DPP6: variants seen among roughly 807,000 people sequenced by gnomAD.
The protein encoded by DPP6 is A-type potassium channel modulatory protein DPP6.
Under a neutral mutation model 122.6 loss-of-function variants are expected in DPP6, and 69 were observed. That is an observed-to-expected ratio of 0.56 (90% CI 0.46 to 0.69). DPP6 has a LOEUF of 0.69. Ranked by LOEUF, DPP6 falls within the 30% of genes least tolerant of loss-of-function variation. The pLI is 0.00. For missense variants in DPP6, 928 were observed against 1,116.9 expected (o/e 0.83, Z 2.41); for synonymous variants, 418 against 433.1 (o/e 0.97, Z 0.43).
At chr7:154,042,224 C>G (rs1799803300) in intron 1 of DPP6, among the ~76,000 whole-genome samples, 1 of 152,134 alleles carries the variant, frequency 6.6e-6, no homozygotes, top group East Asian at 1.9e-4. Context: ...GCCACAGCCT[C>G]CCAGAAAACT....
At chr7:154,021,316 C>G (rs1186524169) in intron 1 of DPP6, among the ~76,000 whole-genome samples, 2 of 152,162 alleles carry the variant, frequency 1.3e-5, no homozygotes, top group African/African-American at 4.8e-5. Context: ...CAAAATGGGC[C>G]TGAGATCTTA....
At chr7:154,576,590 C>T (rs1831689080) in intron 5 of DPP6, among the ~76,000 whole-genome samples, 3 of 152,088 alleles carry the variant, frequency 2.0e-5, no homozygotes, top group East Asian at 1.9e-4. Flanking sequence ...TTTTGAGATA[C>T]GGTCACTTGT....
intron 7 of DPP6, among the ~76,000 whole-genome samples, chr7:154,696,871 G>A (rs773298203): frequency 5.9e-5 from 9 of 152,140 alleles, no homozygotes; most frequent in Non-Finnish European, 8.8e-5. Flanking sequence ...TCGGGGGGCC[G>A]GTCACAGAGT....
At chr7:154,529,370 G>T (rs1489847262) in intron 3 of DPP6, among the ~76,000 whole-genome samples, 1 of 152,186 alleles carries the variant, frequency 6.6e-6, no homozygotes, top group African/African-American at 2.4e-5. Context: ...TGCTACCCAA[G>T]AAACAAACTT....
chr7:154,120,956 G>A (rs1807408683), intron 1 of DPP6, among the ~76,000 whole-genome samples: 1 of 152,154 alleles, frequency 6.6e-6, no homozygotes, highest in Non-Finnish European at 1.5e-5. Context: ...GCGGGACCAG[G>A]TGGAGACAAT....
intron 3 of DPP6, among the ~76,000 whole-genome samples, chr7:154,493,147 C>A (rs1824434145): frequency 6.6e-6 from 1 of 152,084 alleles, no homozygotes; most frequent in African/African-American, 2.4e-5. Context: ...ATAATGACCC[C>A]CAAGGCTGCT....
the DPP6 span, among the ~76,000 whole-genome samples, chr7:153,770,150 A>G: frequency 6.6e-6 from 1 of 152,158 alleles, no homozygotes; most frequent in Admixed American, 6.5e-5. Context: ...CCATGAAGGA[A>G]TAAAAAGTCT....
chr7:154,575,055 G>C, intron 5 of DPP6, among the ~76,000 whole-genome samples: 1 of 138,882 alleles, frequency 7.2e-6, no homozygotes, highest in Non-Finnish European at 1.6e-5. Flanking sequence ...TGGTGTGTGT[G>C]GTGTGTTTGG....
intron 1 of DPP6, among the ~76,000 whole-genome samples, chr7:153,987,535 G>A (rs1477427712): frequency 3.3e-5 from 5 of 151,176 alleles, no homozygotes; most frequent in Non-Finnish European, 5.9e-5. Context: ...ATTTACAGAA[G>A]TGGGAAGAAA....
At chr7:154,562,095 T>G (rs114197035) in intron 4 of DPP6, among the ~76,000 whole-genome samples, 1,567 of 152,214 alleles carry the variant, frequency 0.01, 26 homozygotes, top group African/African-American at 0.034. Flanking sequence ...ATTCATTTCT[T>G]AGGGCAGTAT....
At chr7:154,269,107 A>G (rs1803624930) in intron 1 of DPP6, among the ~76,000 whole-genome samples, 1 of 151,104 alleles carries the variant, frequency 6.6e-6, no homozygotes, top group Non-Finnish European at 1.5e-5. Context: ...AGCCCCTGTG[A>G]TATCCCATGT....
At chr7:154,156,923 G>C (rs1251288149) in intron 1 of DPP6, among the ~76,000 whole-genome samples, 1 of 152,286 alleles carries the variant, frequency 6.6e-6, no homozygotes, top group Non-Finnish European at 1.5e-5. Flanking sequence ...CCATTGGTGG[G>C]TGGGGAGGTA....
intron 5 of DPP6, among the ~76,000 whole-genome samples, chr7:154,568,780 T>C (rs1272604103): frequency 6.6e-6 from 1 of 152,196 alleles, no homozygotes; most frequent in African/African-American, 2.4e-5. Flanking sequence ...TCAGTTTGTC[T>C]TCTCAACTGA....
intron 1 of DPP6, among the ~76,000 whole-genome samples, chr7:154,284,450 A>C (rs1804719767): frequency 6.6e-6 from 1 of 152,246 alleles, no homozygotes; most frequent in Admixed American, 6.5e-5. Flanking sequence ...AGTGTCTATC[A>C]ACTGATGGAT....
rs189966259 is a variant in DPP6 at position 154,193,526 on chromosome 7, G to T, written c.243+140463G>T. Among the ~76,000 whole-genome samples the T allele has an allele frequency of 8.5e-5, 13 of 152,268 alleles. No individual in the cohort carries two copies. In the East Asian group the frequency reaches 1.5e-3, roughly 18 times the overall value. On this transcript the variant is annotated intron_variant, in intron 1 of 25. Coordinates refer to ENST00000377770, the MANE Select transcript of DPP6 (RefSeq NM_130797.4). ...AGGGATACGAATAAGCAGGTTGAAT[G>T]GAGGGGCAGACTGGGAGGCTGAGTC...
At chr7:154,001,522 C>G (rs1797689456) in intron 1 of DPP6, among the ~76,000 whole-genome samples, 1 of 150,952 alleles carries the variant, frequency 6.6e-6, no homozygotes, top group South Asian at 2.1e-4. Flanking sequence ...CACTCTGCCT[C>G]CCCACCCTCG....
chr7:154,292,352 G>C (rs550046842), intron 1 of DPP6, among the ~76,000 whole-genome samples: 1 of 152,320 alleles, frequency 6.6e-6, no homozygotes, highest in African/African-American at 2.4e-5. Context: ...GTGAGTTTCA[G>C]TCTTGCATCT....
chr7:154,424,150 A>G (rs1165572152), intron 1 of DPP6, among the ~76,000 whole-genome samples: 2 of 152,228 alleles, frequency 1.3e-5, no homozygotes, highest in Admixed American at 1.3e-4. Flanking sequence ...TTGCAATGTC[A>G]GCTACGCACT....
In DPP6 at chr7:154,061,947, A is replaced by AC. The variant is rs751155529; in HGVS notation, c.243+8884_243+8885insC. ...GACCCCCATCGCAGGAGGGGGAGGC[A>AC]ACCCTGCGAGGGTGGGGACTGAGAG... On this transcript the variant is annotated intron_variant, in intron 1 of 25. Transcript: ENST00000377770. Among the ~76,000 whole-genome samples, 874 of 113,072 alleles carry AC rather than the reference A, an allele frequency of 7.7e-3. 57 individuals carry two copies. Among genetic ancestry groups the AC allele is most frequent in the African/African-American group, 0.025 (727 of 28,518 alleles). 74.2% of individuals were successfully genotyped at this position (113,072 alleles called of 152,430 possible).
Sources: allele counts gnomAD v4.1 joint callset (sites outside exome capture counted in the v4.1 genomes callset), GRCh38; gene constraint gnomAD v4.1.1; transcripts MANE v1.5; gene names NCBI Gene and HGNC (gene_info 2026-07-23, HGNC 2026-07-21).